Variants in RBPJ observed in about 807,000 individuals in gnomAD.
RBPJ encodes the protein recombination signal binding protein for immunoglobulin kappa J region, also known as recombining binding protein suppressor of hairless.
A neutral mutation model predicts 67.8 loss-of-function variants in RBPJ; 9 were observed. That is an observed-to-expected ratio of 0.13 (90% CI 0.08 to 0.23). The LOEUF is 0.23. Ranked by LOEUF, RBPJ falls within the 10% of genes least tolerant of loss-of-function variation. The pLI, the probability that RBPJ is intolerant of heterozygous loss-of-function variation, is 1.00. For missense variants in RBPJ, 305 were observed against 595.6 expected, an observed-to-expected ratio of 0.51 and a Z score of 5.08; for synonymous variants, 198 against 203.3, an observed-to-expected ratio of 0.97 and a Z score of 0.22.
At chr4:26,327,309 G>C (rs565397765) in intron 1 of RBPJ, among the ~76,000 whole-genome samples, 1 of 152,164 alleles carries the variant, frequency 6.6e-6, no homozygotes, top group Admixed American at 6.5e-5. Flanking sequence ...ATAGATATTT[G>C]TGTAATTTTG....
chr4:26,214,387 G>A (rs1490258962), intron 1 of RBPJ, among the ~76,000 whole-genome samples: 1 of 128,442 alleles, frequency 7.8e-6, no homozygotes, highest in Non-Finnish European at 1.7e-5. Context: ...GAGAAAGAAG[G>A]GGAGGGAGGG....
At chr4:26,302,918 C>A (rs1490730178) in intron 1 of RBPJ, among the ~76,000 whole-genome samples, 1 of 152,088 alleles carries the variant, frequency 6.6e-6, no homozygotes, top group Non-Finnish European at 1.5e-5. Context: ...CAGTGGCCTA[C>A]ATCTGTAATC....
At chr4:26,238,957 G>T (rs754116798) in intron 1 of RBPJ, among the ~76,000 whole-genome samples, 5 of 152,044 alleles carry the variant, frequency 3.3e-5, no homozygotes, top group Admixed American at 6.6e-5. Context: ...GAGAGCAGAC[G>T]CAGAAGAAAA....
chr4:26,348,615 A>G (rs1297278092), intron 1 of RBPJ, among the ~76,000 whole-genome samples: 3 of 152,224 alleles, frequency 2.0e-5, no homozygotes, highest in Admixed American at 6.5e-5. Context: ...ATAAATTTGA[A>G]ATGTTAAAAA....
chr4:26,142,336 T>A, the RBPJ span, among the ~76,000 whole-genome samples: 8 of 152,214 alleles, frequency 5.3e-5, no homozygotes, highest in Non-Finnish European at 8.8e-5. Flanking sequence ...CTCAGAGGCC[T>A]CCAGGAATTG....
chr4:26,260,730 C>T (rs1394862944), intron 1 of RBPJ, among the ~76,000 whole-genome samples: 1 of 152,106 alleles, frequency 6.6e-6, no homozygotes, highest in Non-Finnish European at 1.5e-5. Context: ...CTTTGTAATT[C>T]CCCTGGAGCT....
chr4:26,414,132 A>G (rs1326798030), intron 3 of RBPJ, among the ~76,000 whole-genome samples: 3 of 152,146 alleles, frequency 2.0e-5, no homozygotes, highest in Non-Finnish European at 4.4e-5. Flanking sequence ...TTCAAGAAAG[A>G]AGAGAAGGAA....
chr4:26,306,949 C>A (rs1435398937), intron 1 of RBPJ, among the ~76,000 whole-genome samples: 1 of 151,914 alleles, frequency 6.6e-6, no homozygotes, highest in Non-Finnish European at 1.5e-5. Context: ...TTTCGTAAAT[C>A]ATTTTTGTAA....
chr4:26,131,415 T>C, the RBPJ span, among the ~76,000 whole-genome samples: 1 of 151,944 alleles, frequency 6.6e-6, no homozygotes, highest in Admixed American at 6.6e-5. Context: ...ATTCAGAAAA[T>C]TGTTTTACAC....
At chr4:26,109,579 C>CTCTATATA in the RBPJ span, among the ~76,000 whole-genome samples, 38 of 29,392 alleles carry the variant, frequency 1.3e-3, 7 homozygotes, top group African/African-American at 7.5e-3. Flanking sequence ...CTCTCTCTCT[C>CTCTATATA]TATATATATA....
chr4:26,145,000 G>A, the RBPJ span, among the ~76,000 whole-genome samples: 8 of 151,000 alleles, frequency 5.3e-5, no homozygotes, highest in Admixed American at 4.6e-4. Context: ...TTTTTAGTAA[G>A]TCTCCCTCAA....
upstream of RBPJ, among the ~76,000 whole-genome samples, chr4:26,320,065 A>G (rs1309716040): frequency 1.3e-5 from 2 of 152,160 alleles, no homozygotes; most frequent in Admixed American, 6.5e-5. Flanking sequence ...TAGTGGTCTC[A>G]ACACACACCT....
chr4:26,183,354 C>T (rs773488332), intron 1 of RBPJ, among the ~76,000 whole-genome samples: 8 of 152,144 alleles, frequency 5.3e-5, no homozygotes, highest in African/African-American at 1.2e-4. Context: ...GGCACATGAC[C>T]GTACTCAATT....
At chr4:26,349,275 T>A (rs1200898741) in intron 1 of RBPJ, among the ~76,000 whole-genome samples, 1 of 152,068 alleles carries the variant, frequency 6.6e-6, no homozygotes, top group Non-Finnish European at 1.5e-5. Flanking sequence ...TCTCGCTATG[T>A]TGCCCAGGCT....
intron 1 of RBPJ, among the ~76,000 whole-genome samples, chr4:26,255,216 A>C (rs1241105068): frequency 7.1e-6 from 1 of 140,442 alleles, no homozygotes; most frequent in Non-Finnish European, 1.5e-5. Context: ...CATCCTGGCT[A>C]ACACGGTGAG....
At chr4:26,176,945 G>A (rs910919988) in intron 1 of RBPJ, among the ~76,000 whole-genome samples, 5 of 152,248 alleles carry the variant, frequency 3.3e-5, no homozygotes, top group African/African-American at 9.6e-5. Flanking sequence ...GTCATAGGGT[G>A]AGGGAAGGAG....
rs1736179241 is a variant in RBPJ, at chr4:26,431,118, A to G, written c.*111A>G. The G allele has an allele frequency of 1.2e-6, 1 of 817,430 alleles. No individual in the cohort carries two copies. Among genetic ancestry groups the G allele is most frequent in the Non-Finnish European group, 1.8e-6 (1 of 543,710 alleles). 50.6% of individuals were successfully genotyped at this position (817,430 alleles called of 1,614,324 possible). A position where few individuals can be genotyped will look rare whatever the true frequency, so the allele number is the denominator to read the frequency against. ...GTTTCTTGGGAAAACTTTTCATACC[A>G]GGTGATACTATTCAAAAACCCCGTT... is the stretch of plus-strand genomic sequence containing the variant. On this transcript the variant is annotated 3_prime_UTR_variant, in exon 11 of 11. Transcript: ENST00000355476.
intron 1 of RBPJ, among the ~76,000 whole-genome samples, chr4:26,325,530 A>C (rs1318101607): frequency 6.6e-6 from 1 of 152,232 alleles, no homozygotes; most frequent in Non-Finnish European, 1.5e-5. Flanking sequence ...TTGACAAGTT[A>C]ATCTCTTTAT....
intron 1 of RBPJ, among the ~76,000 whole-genome samples, chr4:26,385,342 A>C (rs1187025060): frequency 1.3e-5 from 2 of 151,978 alleles, no homozygotes; most frequent in African/African-American, 4.8e-5. Context: ...CTGTATATTA[A>C]TTAATATGTT....
Sources: allele counts gnomAD v4.1 joint callset (sites outside exome capture counted in the v4.1 genomes callset), GRCh38; gene constraint gnomAD v4.1.1; transcripts MANE v1.5; gene names NCBI Gene and HGNC (gene_info 2026-07-23, HGNC 2026-07-21).